Variants in NPFFR2 observed in about 807,000 individuals in gnomAD.
NPFFR2 encodes the protein G-protein coupled receptor 74.
In NPFFR2, 15 loss-of-function variants were observed where a neutral mutation model predicts 13.1. That is an observed-to-expected ratio of 1.15 (90% confidence interval 0.77 to 1.76). The LOEUF (loss-of-function observed/expected upper bound fraction) is 1.76. Among genes scored for constraint, NPFFR2 ranks in the 40% most tolerant of loss-of-function variants. NPFFR2 has a pLI of 0.00. For missense variants in NPFFR2, 572 were observed against 503.5 expected, an observed-to-expected ratio of 1.14 and a Z score of -1.30; for synonymous variants, 190 against 175.7, an observed-to-expected ratio of 1.08 and a Z score of -0.65.
intron 1 of NPFFR2, among the ~76,000 whole-genome samples, chr4:72,086,330 A>G (rs1404825659): frequency 6.6e-6 from 1 of 152,130 alleles, no homozygotes; most frequent in Non-Finnish European, 1.5e-5. Flanking sequence ...GGTAGCAGTC[A>G]TCTTACGTAG....
intron 3 of NPFFR2, among the ~76,000 whole-genome samples, chr4:72,140,643 C>T (rs545147954): frequency 6.6e-6 from 1 of 152,260 alleles, no homozygotes; most frequent in African/African-American, 2.4e-5. Flanking sequence ...TTTTGATGTG[C>T]TGCTGGATTC....
chr4:72,099,038 A>C (rs1721155774), intron 1 of NPFFR2, among the ~76,000 whole-genome samples: 1 of 152,222 alleles, frequency 6.6e-6, no homozygotes. Context: ...GTATGAAGTC[A>C]ATATGTACAG....
intron 2 of NPFFR2, among the ~76,000 whole-genome samples, chr4:72,133,014 C>A (rs892219948): frequency 3.3e-5 from 5 of 152,164 alleles, no homozygotes; most frequent in African/African-American, 1.2e-4. Context: ...TAATAGATTC[C>A]ATTTGTAAAT....
chr4:72,121,499 G>A (rs1249791694), intron 1 of NPFFR2, among the ~76,000 whole-genome samples: 1 of 152,168 alleles, frequency 6.6e-6, no homozygotes, highest in African/African-American at 2.4e-5. Context: ...GGCAACCAGA[G>A]AGAAAGGTTG....
chr4:72,123,339 A>G (rs903468232), intron 1 of NPFFR2, among the ~76,000 whole-genome samples: 1 of 152,186 alleles, frequency 6.6e-6, no homozygotes, highest in African/African-American at 2.4e-5. Context: ...CAGAGGTACA[A>G]AGAGGAGCTG....
intron 1 of NPFFR2, among the ~76,000 whole-genome samples, chr4:72,080,255 C>T (rs1322193837): frequency 6.6e-6 from 1 of 151,954 alleles, no homozygotes; most frequent in Non-Finnish European, 1.5e-5. Context: ...ACCTCCACCT[C>T]CCGGGTTCAA....
chr4:72,063,839 CAATG>C (rs1719991562), intron 1 of NPFFR2, among the ~76,000 whole-genome samples: 2 of 152,108 alleles, frequency 1.3e-5, no homozygotes, highest in Admixed American at 6.5e-5. Flanking sequence ...TGGCCAAAGA[CAATG>C]ATTTTAAATC....
intron 2 of NPFFR2, among the ~76,000 whole-genome samples, chr4:72,131,190 A>G (rs1427513145): frequency 6.6e-6 from 1 of 151,696 alleles, no homozygotes; most frequent in African/African-American, 2.4e-5. Flanking sequence ...GAAAAAGGCA[A>G]ATTTCAGGTG....
intron 1 of NPFFR2, among the ~76,000 whole-genome samples, chr4:72,109,692 C>CG (rs869268879): frequency 0.01 from 1 of 100 alleles, no homozygotes; most frequent in Admixed American, 0.25. Flanking sequence ...TCCCTAAATT[C>CG]CATGAAATTT....
At chr4:72,098,625 T>C (rs1721138528) in intron 1 of NPFFR2, among the ~76,000 whole-genome samples, 1 of 152,164 alleles carries the variant, frequency 6.6e-6, no homozygotes, top group Non-Finnish European at 1.5e-5. Flanking sequence ...CCTCAAATCT[T>C]TGTGGCTTAC....
At chr4:72,043,035 A>C (rs1248017821) in intron 1 of NPFFR2, among the ~76,000 whole-genome samples, 1 of 152,196 alleles carries the variant, frequency 6.6e-6, no homozygotes, top group African/African-American at 2.4e-5. Flanking sequence ...TGCTGTGTTC[A>C]GCCTTGGGAC....
intron 2 of NPFFR2, among the ~76,000 whole-genome samples, chr4:72,134,645 A>T (rs1229575993): frequency 6.6e-6 from 1 of 152,126 alleles, no homozygotes; most frequent in Non-Finnish European, 1.5e-5. Flanking sequence ...TTAAGGGTAT[A>T]TTTTGATTTG....
In NPFFR2 at chr4:72,137,231, A is replaced by C. The variant is rs1351740612; in HGVS notation, c.329-809A>C. Among the ~76,000 whole-genome samples the C allele has an allele frequency of 7.9e-5, 12 of 152,290 alleles. No homozygotes were observed. The East Asian group carries it at 2.3e-3, about 29-fold the overall frequency. ...TAAGAATATTTTGTTTCAGAAAATA[A>C]ATTGCAGAAAAATTAAAAAAATAAA... is the stretch of plus-strand genomic sequence containing the variant. On this transcript the variant is annotated intron_variant, in intron 2 of 3. Coordinates refer to ENST00000308744, the MANE Select transcript of NPFFR2 (RefSeq NM_004885.3).
chr4:72,140,690 T>A (rs1640900789), intron 3 of NPFFR2, among the ~76,000 whole-genome samples: 2 of 152,184 alleles, frequency 1.3e-5, no homozygotes, highest in African/African-American at 4.8e-5. Context: ...TCCGGATCGA[T>A]GTTCATCAGG....
intron 1 of NPFFR2, among the ~76,000 whole-genome samples, chr4:72,119,860 C>T (rs1228239565): frequency 2.0e-5 from 3 of 152,168 alleles, no homozygotes; most frequent in African/African-American, 7.2e-5. Flanking sequence ...ATCATTTGGG[C>T]AGACACCCAG....
chr4:72,113,972 G>A lies in NPFFR2; in HGVS notation c.-7-14613G>A, dbSNP rs554504040. Among the ~76,000 whole-genome samples the A allele has an allele frequency of 5.3e-5, 8 of 152,124 alleles. No individual in the cohort carries two copies. In the South Asian group the frequency reaches 1.7e-3, roughly 32 times the overall value. On this transcript the variant is annotated intron_variant, in intron 1 of 3. Transcript: ENST00000308744. ...TCTTAATTTATTAATGTTTTCTACA[G>A]GCAATCCTTTACCAGGGACATTCTG...
Position 72,127,386 on chromosome 4 carries a change from C to T in NPFFR2, c.-7-1199C>T, listed in dbSNP as rs1172486771. On this transcript the variant is annotated intron_variant, in intron 1 of 3. Coordinates refer to ENST00000308744, the MANE Select transcript of NPFFR2 (RefSeq NM_004885.3). ...TTTTTTTTTTTTTTTTTTTTTGAGA[C>T]GGAGTCTCGCTCTGTCGCCCAGGCT... 4.4e-4 allele frequency among the ~76,000 whole-genome samples: 26 copies of T among 58,502 alleles called. 1 individual carries two copies. The highest frequency in any genetic ancestry group is 7.8e-4 in the South Asian group (1 of 1,282). 38.4% of individuals were successfully genotyped at this position (58,502 alleles called of 152,430 possible). A position where few individuals can be genotyped will look rare whatever the true frequency, so the allele number is the denominator to read the frequency against.
chr4:72,127,948 C>T (rs902564990), intron 1 of NPFFR2, among the ~76,000 whole-genome samples: 10 of 151,966 alleles, frequency 6.6e-5, no homozygotes, highest in East Asian at 5.9e-4. Context: ...GTCATGATGG[C>T]GTGCACCTGT....
At chr4:72,079,868 C>A (rs1016865024) in intron 1 of NPFFR2, among the ~76,000 whole-genome samples, 4 of 152,156 alleles carry the variant, frequency 2.6e-5, no homozygotes. Flanking sequence ...GGAGACATCT[C>A]TTACATGATT....
Sources: allele counts gnomAD v4.1 joint callset (sites outside exome capture counted in the v4.1 genomes callset), GRCh38; gene constraint gnomAD v4.1.1; transcripts MANE v1.5; gene names NCBI Gene and HGNC (gene_info 2026-07-23, HGNC 2026-07-21).